LMX1A: variants seen among roughly 807,000 people sequenced by gnomAD.
The protein encoded by LMX1A is LIM homeobox transcription factor 1-alpha.
A neutral mutation model predicts 49.1 loss-of-function variants in LMX1A; 15 were observed. The ratio of observed to expected loss-of-function variants is 0.31; its 90% CI spans 0.20 to 0.47. The LOEUF (loss-of-function observed/expected upper bound fraction) is 0.47. LMX1A is among the 20% of genes least tolerant of loss of function. The pLI, the probability that LMX1A is intolerant of heterozygous loss-of-function variation, is 1.00. For missense variants in LMX1A, 372 were observed against 475.8 expected (o/e 0.78, Z 2.03); for synonymous variants, 167 against 185.7 (o/e 0.90, Z 0.82).
chr1:165,220,784 T>C (rs1288636608), intron 4 of LMX1A, among the ~76,000 whole-genome samples: 1 of 152,144 alleles, frequency 6.6e-6, no homozygotes, highest in African/African-American at 2.4e-5. Flanking sequence ...AAGATTACTC[T>C]TTCTACGGGA....
In LMX1A at chr1:165,266,897, G is replaced by A. The variant is rs543436190; in HGVS notation, c.264-17257C>T. Reference sequence around the variant, plus strand: ...ATTACAGGCGTGAGCCACTGTGCCCGGCTTGCTTGCTTGCTTGCTTGCTTG... The same window carrying A: ...ATTACAGGCGTGAGCCACTGTGCCCAGCTTGCTTGCTTGCTTGCTTGCTTG... On this transcript the variant is annotated intron_variant, in intron 3 of 8. Transcript: ENST00000342310. Among the ~76,000 whole-genome samples, 8 of 151,610 alleles carry A rather than the reference G, an allele frequency of 5.3e-5. No homozygotes were observed. The East Asian group carries it at 7.9e-4, about 15-fold the overall frequency.
intron 3 of LMX1A, among the ~76,000 whole-genome samples, chr1:165,282,684 T>G (rs987469884): frequency 6.6e-6 from 1 of 152,160 alleles, no homozygotes; most frequent in African/African-American, 2.4e-5. Flanking sequence ...ACGTGGCAGT[T>G]AGTAGGGTCT....
chr1:165,238,787 C>T (rs911004391), intron 4 of LMX1A, among the ~76,000 whole-genome samples: 4 of 152,140 alleles, frequency 2.6e-5, no homozygotes, highest in South Asian at 2.1e-4. Flanking sequence ...TATACATGTA[C>T]GTTTTAAATG....
At chr1:165,305,841 T>C (rs529450466) in intron 3 of LMX1A, among the ~76,000 whole-genome samples, 3 of 152,258 alleles carry the variant, frequency 2.0e-5, no homozygotes, top group African/African-American at 7.2e-5. Flanking sequence ...TGAGATATGA[T>C]ATGGTGAGTG....
At chr1:165,211,995 A>G (rs768288625) in intron 5 of LMX1A, among the ~76,000 whole-genome samples, 2 of 152,202 alleles carry the variant, frequency 1.3e-5, no homozygotes, top group Non-Finnish European at 2.9e-5. Context: ...TTTAGTATAC[A>G]TGGAAGAAGT....
chr1:165,292,138 G>A (rs998189146), intron 3 of LMX1A, among the ~76,000 whole-genome samples: 2 of 150,674 alleles, frequency 1.3e-5, no homozygotes, highest in Non-Finnish European at 1.5e-5. Flanking sequence ...AGACGCATCA[G>A]GAAGGCAGTC....
At chr1:165,336,534 C>T (rs1655903791) in intron 3 of LMX1A, among the ~76,000 whole-genome samples, 1 of 152,144 alleles carries the variant, frequency 6.6e-6, no homozygotes, top group Non-Finnish European at 1.5e-5. Flanking sequence ...TGCTAAGAAG[C>T]AGAATATTAT....
chr1:165,229,195 C>G (rs1467988561), intron 4 of LMX1A, among the ~76,000 whole-genome samples: 1 of 151,824 alleles, frequency 6.6e-6, no homozygotes, highest in Non-Finnish European at 1.5e-5. Context: ...AATCAGATCT[C>G]AATTTTGGAT....
chr1:165,263,150 C>A (rs929816053), intron 3 of LMX1A, among the ~76,000 whole-genome samples: 2 of 152,208 alleles, frequency 1.3e-5, no homozygotes, highest in Non-Finnish European at 2.9e-5. Flanking sequence ...GGGATCTTAT[C>A]CAGTCCCATT....
intron 6 of LMX1A, 184 bp downstream of exon 6, chr1:165,210,515 C>A (rs554582709): frequency 1.7e-5 from 7 of 420,772 alleles, no homozygotes; most frequent in Non-Finnish European, 1.3e-5. Flanking sequence ...TGAATGCCTT[C>A]TCTCTCCCCT....
chr1:165,341,105 G>A (rs970764173), intron 3 of LMX1A, among the ~76,000 whole-genome samples: 4 of 152,136 alleles, frequency 2.6e-5, no homozygotes, highest in South Asian at 2.1e-4. Context: ...AATATTTCAT[G>A]CTTAGAAATC....
At chr1:165,256,838 C>G (rs1653258204) in intron 3 of LMX1A, among the ~76,000 whole-genome samples, 1 of 151,988 alleles carries the variant, frequency 6.6e-6, no homozygotes, top group African/African-American at 2.4e-5. Flanking sequence ...CTATGACAAT[C>G]AACAAAGAAG....
chr1:165,234,187 C>G (rs1031353052), intron 4 of LMX1A, among the ~76,000 whole-genome samples: 6 of 152,204 alleles, frequency 3.9e-5, no homozygotes, highest in Non-Finnish European at 7.3e-5. Context: ...AGCAACACTA[C>G]AATCCAGCCC....
At chr1:165,305,476 T>A (rs185374905) in intron 3 of LMX1A, among the ~76,000 whole-genome samples, 1 of 152,246 alleles carries the variant, frequency 6.6e-6, no homozygotes, top group Admixed American at 6.5e-5. Context: ...AAGGACCCAG[T>A]AGGCCAAATA....
At chr1:165,353,326 C>T (rs893580729) in intron 2 of LMX1A, 64 bp from the exon 3 acceptor site, 2 of 1,388,902 alleles carry the variant, frequency 1.4e-6, no homozygotes, top group African/African-American at 2.8e-5. Context: ...CAAACCTGGC[C>T]GGGACCCGCT....
intron 4 of LMX1A, among the ~76,000 whole-genome samples, chr1:165,241,868 A>G (rs1229670588): frequency 1.3e-5 from 2 of 152,330 alleles, no homozygotes; most frequent in Non-Finnish European, 2.9e-5. Context: ...CGAGCAGTGG[A>G]GAGCATGGCC....
At position 165,271,999 on chromosome 1, in the gene LMX1A, CT is replaced by C. The variant is rs922894948; in HGVS notation, c.264-22360del. Among the ~76,000 whole-genome samples the C allele has an allele frequency of 9.9e-5, 15 of 152,084 alleles. No homozygotes were observed. The South Asian group carries it at 2.5e-3, about 25-fold the overall frequency. Reference sequence around the variant, plus strand: ...AGCACAGATAGAGGACATTTTCTTTCTTTTTTTTAATATATATTTTTTTAAG... The same window carrying C: ...AGCACAGATAGAGGACATTTTCTTTCTTTTTTTAATATATATTTTTTTAAG... On this transcript the variant is annotated intron_variant, in intron 3 of 8. Transcript: ENST00000342310.
rs1397268903 is a variant in LMX1A, at chr1:165,201,923, A to C, written c.*1957T>G. On this transcript the variant is annotated 3_prime_UTR_variant, in exon 9 of 9. Coordinates refer to ENST00000342310, the MANE Select transcript of LMX1A (RefSeq NM_177398.4). Reference sequence around the variant, plus strand: ...TATGCCATTAAGGAGTGGAATAAGGATCTCTATTCATTTTCACTCACATAG... The same window carrying C: ...TATGCCATTAAGGAGTGGAATAAGGCTCTCTATTCATTTTCACTCACATAG... 3 of 152,430 alleles carry C rather than the reference A, an allele frequency of 2.0e-5. No homozygotes were observed. Among genetic ancestry groups the C allele is most frequent in the Non-Finnish European group, 4.4e-5 (3 of 68,044 alleles). The allele number at this position is 152,430 out of a possible 1,614,324, so 9.4% of individuals were successfully genotyped here. A position where few individuals can be genotyped will look rare whatever the true frequency, so the allele number is the denominator to read the frequency against.
chr1:165,209,226 G>T (rs1651259111), intron 6 of LMX1A, among the ~76,000 whole-genome samples: 1 of 152,208 alleles, frequency 6.6e-6, no homozygotes, highest in Non-Finnish European at 1.5e-5. Flanking sequence ...GTCAGTTAGA[G>T]AAATGCTACC....
Sources: allele counts gnomAD v4.1 joint callset (sites outside exome capture counted in the v4.1 genomes callset), GRCh38; gene constraint gnomAD v4.1.1; transcripts MANE v1.5; gene names NCBI Gene and HGNC (gene_info 2026-07-23, HGNC 2026-07-21).